KNDC1: variants seen among roughly 807,000 people sequenced by gnomAD.
The protein encoded by KNDC1 is kinase non-catalytic C-lobe domain containing 1.
KNDC1 carries 106 observed loss-of-function variants against 172.8 expected under a neutral mutation model. The ratio of observed to expected loss-of-function variants is 0.61; its 90% CI spans 0.52 to 0.72. The LOEUF (loss-of-function observed/expected upper bound fraction) is 0.72, where lower values mean the gene tolerates loss of function less well. Ranked by LOEUF, KNDC1 falls within the 30% of genes least tolerant of loss-of-function variation. The pLI is 0.00. For missense variants in KNDC1, 2,325 were observed against 2,394.5 expected, an observed-to-expected ratio of 0.97 and a Z score of 0.61; for synonymous variants, 1,083 against 1,062.2, an observed-to-expected ratio of 1.02 and a Z score of -0.38.
intron 3 of KNDC1, among the ~76,000 whole-genome samples, chr10:133,178,466 G>A (rs954445550): frequency 1.1e-4 from 16 of 152,228 alleles, no homozygotes; most frequent in East Asian, 9.6e-4. Flanking sequence ...ACCCAGCCTC[G>A]GATTTACCCG....
chr10:133,202,400 T>C (rs1854399835), intron 17 of KNDC1: 1 of 428,772 alleles, frequency 2.3e-6, no homozygotes, highest in Non-Finnish European at 4.7e-6. Context: ...AACTCCTCCC[T>C]GGCCAGCAGG....
chr10:133,168,117 C>A, intron 2 of KNDC1, 137 bp from the exon 3 acceptor site: 1 of 762,226 alleles, frequency 1.3e-6, no homozygotes, highest in Non-Finnish European at 2.4e-6. Flanking sequence ...TTTTTCATGG[C>A]CTAAAATGGT....
Position 133,170,287 on chromosome 10 carries a change from A to C in KNDC1, c.360+1975A>C, listed in dbSNP as rs562599594. On this transcript the variant is annotated intron_variant, in intron 3 of 29. Coordinates refer to ENST00000304613, the MANE Select transcript of KNDC1 (RefSeq NM_152643.8). ...TACATCTGTTCCTGGAACTCCCCCA[A>C]CTGCAGGCCCGAGAACACGGTGTGA... is the stretch of plus-strand genomic sequence containing the variant. 4.6e-5 allele frequency among the ~76,000 whole-genome samples: 7 copies of C among 152,156 alleles called. No homozygotes were observed. The East Asian group carries it at 1.4e-3, about 29-fold the overall frequency.
intron 18 of KNDC1, 32 bp downstream of exon 18, chr10:133,206,810 C>G: frequency 6.2e-7 from 1 of 1,613,350 alleles, no homozygotes; most frequent in East Asian, 2.2e-5. Context: ...GTCCGAGACC[C>G]TGGCTGCAGG....
At chr10:133,200,232 C>T (rs995161558) in intron 15 of KNDC1, 143 bp from the exon 16 acceptor site, 52 of 563,610 alleles carry the variant, frequency 9.2e-5, no homozygotes, top group African/African-American at 8.0e-4. Context: ...TGCTGTGCCC[C>T]TTAGTGACTG....
chr10:133,162,537 C>T (rs1029463224), intron 1 of KNDC1, among the ~76,000 whole-genome samples: 4 of 152,206 alleles, frequency 2.6e-5, no homozygotes, highest in Admixed American at 1.3e-4. Context: ...GGACACCCAC[C>T]GGAGCCCCTG....
rs1230952889 is a variant in KNDC1, at chr10:133,207,206, C to T, written c.3649C>T (p.Pro1217Ser). The change falls in exon 20 of 30, where the codon CCC (proline) becomes TCC (serine). Residue 1217 changes from proline (P) to serine (S), a missense_variant. Pro to Ser is a moderately conservative substitution (Grantham distance 74, BLOSUM62 -1). Transcript: ENST00000304613. ...AGTGATCGTGAACATCGCGGCCGCA[C>T]CCTGCGACACGCTGGACTTCAGCCC... ...LPVIVNIAAAPCDTLDFSPLD... is the reference protein window; with the variant it reads ...LPVIVNIAAASCDTLDFSPLD... The T allele has an allele frequency of 6.2e-7, 1 of 1,612,124 alleles. No individual in the cohort carries two copies. Among genetic ancestry groups the T allele is most frequent in the East Asian group, 2.2e-5 (1 of 44,856 alleles).
At chr10:133,213,792 C>T (rs1845421716) in intron 25 of KNDC1, 65 bp downstream of exon 25, 1 of 1,499,180 alleles carries the variant, frequency 6.7e-7, no homozygotes, top group South Asian at 1.1e-5. Flanking sequence ...CCGTAAGAGT[C>T]TTGTGGACGC....
Position 133,214,265 on chromosome 10 carries a change from C to A in KNDC1, c.4677+143C>A, listed in dbSNP as rs1315720319. The A allele has an allele frequency of 4.4e-6, 4 of 904,708 alleles. No homozygotes were observed. The African/African-American group carries it at 5.0e-5, about 11-fold the overall frequency. The allele number at this position is 904,708 out of a possible 1,614,324, so 56.0% of individuals were successfully genotyped here. A position where few individuals can be genotyped will look rare whatever the true frequency, so the allele number is the denominator to read the frequency against. On this transcript the variant is annotated intron_variant, in intron 26 of 29. Coordinates refer to ENST00000304613, the MANE Select transcript of KNDC1 (RefSeq NM_152643.8). ...TGTGTCCCTTGGAACCACACCCGACCCAAGGCTGAGGGGAGCAGGGCACAG... is the reference window on the plus strand; with the variant it reads ...TGTGTCCCTTGGAACCACACCCGACACAAGGCTGAGGGGAGCAGGGCACAG...
intron 9 of KNDC1, 113 bp from the exon 10 acceptor site, chr10:133,195,550 C>G: frequency 9.6e-7 from 1 of 1,044,210 alleles, no homozygotes; most frequent in African/African-American, 1.7e-5. Context: ...GAGGAGAGCC[C>G]CTCTGTGGGG....
At chr10:133,162,457 A>G (rs1028777470) in intron 1 of KNDC1, among the ~76,000 whole-genome samples, 15 of 152,192 alleles carry the variant, frequency 9.9e-5, no homozygotes, top group African/African-American at 3.6e-4. Context: ...CATAAGATGT[A>G]GGAACTCACT....
rs184329092 is a variant in KNDC1, at chr10:133,168,967, C to T, written c.360+655C>T. 2.2e-4 allele frequency among the ~76,000 whole-genome samples: 34 copies of T among 152,348 alleles called. 2 individuals are homozygous for T. The South Asian group carries it at 2.9e-3, about 13-fold the overall frequency. ...CGGCTGGAGAGGGGCGGAATCACCC[C>T]GGGGCCTTCAGAGTCGATCAGTCCA... On this transcript the variant is annotated intron_variant, in intron 3 of 29. Transcript: ENST00000304613.
At position 133,180,338 on chromosome 10, in the gene KNDC1, G is replaced by A. The variant is rs148918276; in HGVS notation, c.361-3006G>A. The stretch of plus-strand genomic sequence containing the variant: ...CGTATGGCTCTGCACCTCGAGGGCC[G>A]ACTGCGTCCTCTGGGCTCCAAGGGG... On this transcript the variant is annotated intron_variant, in intron 3 of 29. Transcript: ENST00000304613. 2.2e-4 allele frequency among the ~76,000 whole-genome samples: 34 copies of A among 152,312 alleles called. No homozygotes were observed. The East Asian group carries it at 5.2e-3, about 23-fold the overall frequency.
rs201853068 is a variant in KNDC1 at position 133,199,242 on chromosome 10, A to G, written c.2734A>G (p.Asn912Asp). 8 of 1,565,774 alleles carry G rather than the reference A, an allele frequency of 5.1e-6. No homozygotes were observed. Among genetic ancestry groups the G allele is most frequent in the Non-Finnish European group, 6.9e-6 (8 of 1,153,894 alleles). Reference protein sequence around the residue: ...EEFAFDGYLDNGLEALIMGEY... With the variant: ...EEFAFDGYLDDGLEALIMGEY... The stretch of plus-strand genomic sequence containing the variant: ...ATTTGCCTTCGATGGCTACCTGGAC[A>G]ATGGGCTGGAGGCTCTGATCATGGG... The change falls in exon 14 of 30, where the codon AAT becomes GAT. Residue 912 changes from asparagine to aspartate, a missense_variant. Asn to Asp is a conservative substitution (Grantham distance 23, BLOSUM62 1). Transcript: ENST00000304613.
chr10:133,223,682 CAT>C (rs1200549510), intron 29 of KNDC1, among the ~76,000 whole-genome samples: 1 of 49,458 alleles, frequency 2.0e-5, no homozygotes. Flanking sequence ...CTCTTCCCGG[CAT>C]GTGTGTGTGT....
chr10:133,190,879 G>A (rs1854056751), intron 9 of KNDC1, among the ~76,000 whole-genome samples: 3 of 152,238 alleles, frequency 2.0e-5, no homozygotes, highest in Admixed American at 2.0e-4. Context: ...CCGCGTCCGT[G>A]AGGCTGCAGT....
At position 133,219,937 on chromosome 10, in the gene KNDC1, C is replaced by A; in HGVS notation, c.4861-18C>A. ...ACGCCCTGTCTCTCCCCGGCCCACGCCCCGGCTGGACCACCAGGTCTTCCT... is the reference window on the plus strand; with the variant it reads ...ACGCCCTGTCTCTCCCCGGCCCACGACCCGGCTGGACCACCAGGTCTTCCT... On this transcript the variant is annotated intron_variant, in intron 28 of 29. Transcript: ENST00000304613. The A allele has an allele frequency of 6.5e-7, 1 of 1,545,770 alleles. No individual in the cohort carries two copies. Among genetic ancestry groups the A allele is most frequent in the Non-Finnish European group, 8.7e-7 (1 of 1,143,778 alleles).
chr10:133,183,216 G>T lies in KNDC1; in HGVS notation c.361-128G>T, dbSNP rs1003904768. On this transcript the variant is annotated intron_variant, in intron 3 of 29. Coordinates refer to ENST00000304613, the MANE Select transcript of KNDC1 (RefSeq NM_152643.8). ...AAGGGTGTGGGCAGCGTGGGCACGG[G>T]TGCTGCTTCCCCTCAGGGGAATCTC... 47 of 1,187,470 alleles carry T rather than the reference G, an allele frequency of 4.0e-5. No individual in the cohort carries two copies. The African/African-American group carries it at 6.5e-4, about 17-fold the overall frequency. The allele number at this position is 1,187,470 out of a possible 1,614,324, so 73.6% of individuals were successfully genotyped here.
intron 17 of KNDC1, chr10:133,202,169 G>A: frequency 1.5e-6 from 1 of 688,522 alleles, no homozygotes; most frequent in East Asian, 2.8e-5. Flanking sequence ...TGGTCGCCCG[G>A]GCGATGGGTT....
Sources: gnomAD v4.1 joint callset for allele counts (sites outside exome capture counted in the v4.1 genomes callset) on GRCh38, gnomAD v4.1.1 for gene constraint, MANE v1.5 for transcripts, NCBI Gene and HGNC (gene_info 2026-07-23, HGNC 2026-07-21) for gene names.